KAT7: variants seen among roughly 807,000 people sequenced by gnomAD.
KAT7 encodes the protein histone acetyltransferase KAT7.
KAT7 carries 10 observed loss-of-function variants against 82.1 expected under a neutral mutation model. The observed-to-expected ratio is 0.12, with a 90% CI of 0.08 to 0.21. The LOEUF (loss-of-function observed/expected upper bound fraction) is 0.21. Among genes scored for constraint, KAT7 ranks in the 10% least tolerant of loss-of-function variants. The probability of loss-of-function intolerance (pLI) is 1.00; values close to 1 mark genes in which losing one functional copy is unlikely to be tolerated. For missense variants in KAT7, 378 were observed against 760.9 expected (o/e 0.50, Z 5.92); for synonymous variants, 250 against 262.5 (o/e 0.95, Z 0.46).
In KAT7 at chr17:49,827,415, G is replaced by A; in HGVS notation, c.1749G>A (p.Glu583=). 6.2e-7 allele frequency: 1 copy of A among 1,610,634 alleles called. No individual in the cohort carries two copies. The highest frequency in any genetic ancestry group is 8.5e-7 in the Non-Finnish European group (1 of 1,176,848). ...LVLKRQDLID[E]WIAKEAKRSN... ...TTCTCCCTCAGGACCTGATTGATGA[G>A]TGGATAGCCAAAGAGGCCAAAAGGT... is the stretch of plus-strand genomic sequence containing the variant. Residue 583 remains glutamate, a synonymous_variant, in exon 15 of 15, where the codon GAG becomes GAA. Transcript: ENST00000259021.
In KAT7 at chr17:49,827,675, T is replaced by C; in HGVS notation, c.*173T>C. 1 of 598,442 alleles carries C rather than the reference T, an allele frequency of 1.7e-6. No individual in the cohort carries two copies. The highest frequency in any genetic ancestry group is 1.9e-5 in the African/African-American group (1 of 53,928). 37.1% of individuals were successfully genotyped at this position (598,442 alleles called of 1,614,324 possible). On this transcript the variant is annotated 3_prime_UTR_variant, in exon 15 of 15. Transcript: ENST00000259021. ...CTTTGTGTACACTGCAGACGCTGGT[T>C]CTGAGGAACTGTTGTTTCGGCCTCA...
chr17:49,803,264 A>G (rs2074047850), intron 4 of KAT7, among the ~76,000 whole-genome samples: 1 of 151,480 alleles, frequency 6.6e-6, no homozygotes, highest in South Asian at 2.1e-4. Context: ...ATGCATCACC[A>G]TGCTGGTCTA....
chr17:49,791,425 A>G (rs535539888), intron 1 of KAT7, among the ~76,000 whole-genome samples: 3 of 152,330 alleles, frequency 2.0e-5, no homozygotes, highest in Non-Finnish European at 2.9e-5. Flanking sequence ...TGGGAGGCCA[A>G]GGCGGGTGGA....
chr17:49,795,974 T>C (rs2073950685), intron 2 of KAT7, among the ~76,000 whole-genome samples: 1 of 144,868 alleles, frequency 6.9e-6, no homozygotes, highest in Non-Finnish European at 1.5e-5. Context: ...AACATGTCTC[T>C]TTATAAAAAA....
chr17:49,810,953 C>G lies in KAT7; in HGVS notation c.754-523C>G, dbSNP rs117806575. Among the ~76,000 whole-genome samples the G allele has an allele frequency of 6.6e-5, 10 of 152,086 alleles. No homozygotes were observed. In the East Asian group the frequency reaches 1.9e-3, roughly 29 times the overall value. Reference sequence around the variant, plus strand: ...GGTAGAGGTTGCAGTGAGCCGCGATCGTGCCGCTGCATTTCAGCCTAGGTG... The same window carrying G: ...GGTAGAGGTTGCAGTGAGCCGCGATGGTGCCGCTGCATTTCAGCCTAGGTG... On this transcript the variant is annotated intron_variant, in intron 6 of 14. Coordinates refer to ENST00000259021, the MANE Select transcript of KAT7 (RefSeq NM_007067.5).
intron 9 of KAT7, among the ~76,000 whole-genome samples, chr17:49,819,287 G>C (rs1598083897): frequency 2.0e-5 from 3 of 152,282 alleles, no homozygotes; most frequent in South Asian, 4.1e-4. Context: ...AGGTTCTCCA[G>C]ACCCTGGCAC....
At chr17:49,793,683 C>T (rs1490865108) in intron 2 of KAT7, among the ~76,000 whole-genome samples, 4 of 151,164 alleles carry the variant, frequency 2.6e-5, no homozygotes, top group Middle Eastern at 3.4e-3. Flanking sequence ...AAGCAATTCT[C>T]CTGCCTCAGC....
intron 4 of KAT7, among the ~76,000 whole-genome samples, 165 bp from the exon 5 acceptor site, chr17:49,805,198 G>C (rs772391696): frequency 6.6e-6 from 1 of 152,198 alleles, no homozygotes; most frequent in Non-Finnish European, 1.5e-5. Flanking sequence ...AGAAAAGAAT[G>C]AGTGTAAGTT....
intron 3 of KAT7, among the ~76,000 whole-genome samples, chr17:49,797,723 A>T (rs985634018): frequency 1.3e-5 from 2 of 152,264 alleles, no homozygotes; most frequent in African/African-American, 4.8e-5. Flanking sequence ...AGATCTGGGA[A>T]CACTGGGCGG....
At chr17:49,798,202 C>A in intron 3 of KAT7, 117 bp from the exon 4 acceptor site, 1 of 895,238 alleles carries the variant, frequency 1.1e-6, no homozygotes, top group Non-Finnish European at 1.7e-6. Flanking sequence ...AGATGAATAG[C>A]TGAAAGTTAC....
chr17:49,823,495 C>T (rs975329867), intron 12 of KAT7, 200 bp downstream of exon 12: 11 of 509,692 alleles, frequency 2.2e-5, no homozygotes, highest in Admixed American at 3.5e-5. Flanking sequence ...GTACAGGACT[C>T]CTCCTTAATG....
rs562052321 is a variant in KAT7, at chr17:49,797,007, A to C, written c.340+81A>C. On this transcript the variant is annotated intron_variant, in intron 3 of 14. Transcript: ENST00000259021. ...TTTAAGGAGGGCTTGGGGCCACTGCAGGTAGATGCCTAATACTTCAGCTAG... is the reference window on the plus strand; with the variant it reads ...TTTAAGGAGGGCTTGGGGCCACTGCCGGTAGATGCCTAATACTTCAGCTAG... 7.2e-6 allele frequency: 8 copies of C among 1,114,140 alleles called. No individual in the cohort carries two copies. The East Asian group carries it at 1.9e-4, about 26-fold the overall frequency. The allele number at this position is 1,114,140 out of a possible 1,614,324, so 69.0% of individuals were successfully genotyped here. A position where few individuals can be genotyped will look rare whatever the true frequency, so the allele number is the denominator to read the frequency against.
chr17:49,818,123 C>A (rs1208292177), intron 9 of KAT7, 112 bp downstream of exon 9: 5 of 777,562 alleles, frequency 6.4e-6, no homozygotes, highest in South Asian at 3.5e-5. Flanking sequence ...TGGTCCTCAG[C>A]AGTGGGATGA....
At chr17:49,790,768 G>A (rs77653109) in intron 1 of KAT7, among the ~76,000 whole-genome samples, 1,553 of 152,250 alleles carry the variant, frequency 0.01, 27 homozygotes, top group East Asian at 0.082. Flanking sequence ...TACATGCAAA[G>A]TACTCCCCTT....
At chr17:49,796,686 T>C (rs149196383) in intron 2 of KAT7, 64 bp from the exon 3 acceptor site, 2 of 1,304,484 alleles carry the variant, frequency 1.5e-6, no homozygotes, top group Non-Finnish European at 1.1e-6. Flanking sequence ...TGATAAATTA[T>C]ATGGATAGGA....
At chr17:49,813,430 T>C (rs935431018) in intron 7 of KAT7, among the ~76,000 whole-genome samples, 2 of 152,236 alleles carry the variant, frequency 1.3e-5, no homozygotes. Flanking sequence ...GAATGTTTTC[T>C]TATTCAGCCA....
At chr17:49,826,911 G>C (rs761062540) in intron 14 of KAT7, 112 bp downstream of exon 14, 2 of 648,580 alleles carry the variant, frequency 3.1e-6, no homozygotes, top group African/African-American at 1.8e-5. Flanking sequence ...TGGGCTACAC[G>C]CCCCTTTTAC....
chr17:49,804,945 A>G (rs1387778808), intron 4 of KAT7, among the ~76,000 whole-genome samples: 1 of 152,228 alleles, frequency 6.6e-6, no homozygotes, highest in Non-Finnish European at 1.5e-5. Context: ...GGTTAAATTC[A>G]GGTTGGATAA....
At chr17:49,803,299 A>G (rs1460873046) in intron 4 of KAT7, among the ~76,000 whole-genome samples, 1 of 147,868 alleles carries the variant, frequency 6.8e-6, no homozygotes, top group African/African-American at 2.5e-5. Context: ...TTAAGTAGAG[A>G]TGGAGTCTCA....
Sources: gnomAD v4.1 joint callset for allele counts (sites outside exome capture counted in the v4.1 genomes callset) on GRCh38, gnomAD v4.1.1 for gene constraint, MANE v1.5 for transcripts, NCBI Gene and HGNC (gene_info 2026-07-23, HGNC 2026-07-21) for gene names.